The following LCN9 variants were observed in gnomAD, a reference collection of about 807,000 sequenced individuals.
LCN9 encodes the protein lipocalin 9, also known as epididymal-specific lipocalin-9.
A neutral mutation model predicts 18.5 loss-of-function variants in LCN9; 22 were observed. The ratio of observed to expected loss-of-function variants is 1.19; its 90% CI spans 0.85 to 1.70. The LOEUF is 1.70. Ranked by LOEUF, LCN9 falls within the 40% of genes most tolerant of loss-of-function variation. The probability of loss-of-function intolerance (pLI) is 0.00; values close to 1 mark genes in which losing one functional copy is unlikely to be tolerated. For synonymous variants in LCN9, 89 were observed against 83.0 expected (o/e 1.07, Z -0.39); for missense variants, 202 against 201.3 (o/e 1.00, Z -0.02).
At position 135,665,336 on chromosome 9, in the gene LCN9, C is replaced by T. The variant is rs1234707325; in HGVS notation, c.399C>T (p.Thr133=). The change falls in exon 4 of 6, where the codon ACC becomes ACT. Residue 133 remains threonine, a synonymous_variant. Transcript: ENST00000619315. The surrounding 1 kb of genome is among the most constrained non-coding windows in gnomAD (Gnocchi z 5.9). ...AGAACTTCAGGAACGGGACCGAGAC[C>T]CACACGCTGGCGCTCTATGGTACCT... 2 of 1,602,950 alleles carry T rather than the reference C, an allele frequency of 1.2e-6. No individual in the cohort carries two copies. The highest frequency in any genetic ancestry group is 1.7e-6 in the Non-Finnish European group (2 of 1,175,042).
chr9:135,664,852 G>T lies in LCN9; in HGVS notation c.307+57G>T, dbSNP rs1834189905. 1 of 1,509,542 alleles carries T rather than the reference G, an allele frequency of 6.6e-7. No individual in the cohort carries two copies. The highest frequency in any genetic ancestry group is 9.0e-7 in the Non-Finnish European group (1 of 1,112,104). 93.5% of individuals were successfully genotyped at this position (1,509,542 alleles called of 1,614,324 possible). A position where few individuals can be genotyped will look rare whatever the true frequency, so the allele number is the denominator to read the frequency against. ...CAGTCGGGGGTCTCCTTTCTCCAGG[G>T]CCTGGGCCATATTCTGGTGAGCACT... is the stretch of plus-strand genomic sequence containing the variant. On this transcript the variant is annotated intron_variant, in intron 3 of 5. Coordinates refer to ENST00000619315, the Ensembl canonical transcript of LCN9. This position sits in a 1 kb window ranked among gnomAD's most constrained non-coding sequence, Gnocchi z 4.5.
Position 135,665,945 on chromosome 9 carries a change from G to C in LCN9, c.*94G>C. The C allele has an allele frequency of 5.6e-6, 9 of 1,603,420 alleles. No homozygotes were observed. The highest frequency in any genetic ancestry group is 7.6e-6 in the Non-Finnish European group (9 of 1,177,648). ...CTCGGGACGGGCAGGGGGCTGGATG[G>C]GGAGAGCTTGGGGCCAACGTCAGAG... On this transcript the variant is annotated 3_prime_UTR_variant, in exon 6 of 6. Coordinates refer to ENST00000619315, the Ensembl canonical transcript of LCN9. This position sits in a 1 kb window ranked among gnomAD's most constrained non-coding sequence, Gnocchi z 5.9.
chr9:135,664,776 T>C lies in LCN9; in HGVS notation c.288T>C (p.Asn96=). The change falls in exon 3 of 6, where the codon AAT becomes AAC. Residue 96 remains asparagine (N), a synonymous_variant. Transcript: ENST00000619315. This position sits in a 1 kb window ranked among gnomAD's most constrained non-coding sequence, Gnocchi z 4.5. The stretch of plus-strand genomic sequence containing the variant: ...TGGTCTGCGAGAAGACAGAGAAGAA[T>C]GGGGAATACTCCATCAACTGTAAGT... 1 of 1,594,334 alleles carries C rather than the reference T, an allele frequency of 6.3e-7. No homozygotes were observed. Among genetic ancestry groups the C allele is most frequent in the Non-Finnish European group, 8.5e-7 (1 of 1,170,776 alleles).
At chr9:135,663,477 C>G in intron 1 of LCN9, 60 bp downstream of exon 1, 2 of 1,489,688 alleles carry the variant, frequency 1.3e-6, no homozygotes, top group South Asian at 1.1e-5. Context: ...TGTCTTCCCC[C>G]AGCCTGGGGT....
chr9:135,666,286 C>A (rs997361941), exon 6 of LCN9: 6 of 756,260 alleles, frequency 7.9e-6, no homozygotes, highest in Non-Finnish European at 1.0e-5. Context: ...CCTGCCTCTT[C>A]CGGCTGCTGG....
chr9:135,664,373 C>A lies in LCN9; in HGVS notation c.233+75C>A. 6.4e-7 allele frequency: 1 copy of A among 1,556,114 alleles called. No individual in the cohort carries two copies. The highest frequency in any genetic ancestry group is 8.8e-7 in the Non-Finnish European group (1 of 1,134,594). On this transcript the variant is annotated intron_variant, in intron 2 of 5. Coordinates refer to ENST00000619315, the Ensembl canonical transcript of LCN9. The surrounding 1 kb of genome is among the most constrained non-coding windows in gnomAD (Gnocchi z 4.5). ...ACCCCAACGCATACTCTCACTCTTG[C>A]ACACACACGCTCGCACACTCACTGA...
rs1371708650 is a variant in LCN9 at position 135,664,145 on chromosome 9, G to T, written c.97-17G>T. ...CTGTCCCGCGGCCCCCCACCCACTG[G>T]AGCTCTTTGTCTTCAGGTTTCAGGG... is the stretch of plus-strand genomic sequence containing the variant. On this transcript the variant is annotated splice_polypyrimidine_tract_variant and intron_variant, in intron 1 of 5. Transcript: ENST00000619315. The surrounding 1 kb of genome is among the most constrained non-coding windows in gnomAD (Gnocchi z 4.5). 5 of 1,612,200 alleles carry T rather than the reference G, an allele frequency of 3.1e-6. No homozygotes were observed. The highest frequency in any genetic ancestry group is 4.2e-6 in the Non-Finnish European group (5 of 1,179,140).
intron 1 of LCN9, 89 bp downstream of exon 1, chr9:135,663,506 G>A: frequency 1.0e-6 from 1 of 998,104 alleles, no homozygotes; most frequent in Non-Finnish European, 1.5e-6. Flanking sequence ...TGTGACCAGG[G>A]CAACTGGTCC....
chr9:135,665,499 C>A lies in LCN9; in HGVS notation c.418+144C>A. 1 of 822,976 alleles carries A rather than the reference C, an allele frequency of 1.2e-6. No individual in the cohort carries two copies. The highest frequency in any genetic ancestry group is 2.0e-6 in the Non-Finnish European group (1 of 507,892). The allele number at this position is 822,976 out of a possible 1,614,324, so 51.0% of individuals were successfully genotyped here. A position where few individuals can be genotyped will look rare whatever the true frequency, so the allele number is the denominator to read the frequency against. On this transcript the variant is annotated intron_variant, in intron 4 of 5. Transcript: ENST00000619315. The surrounding 1 kb of genome is among the most constrained non-coding windows in gnomAD (Gnocchi z 5.9). ...TGGCTATTCCTTCCCACAGACACAC[C>A]GTTAGGGTGCTGGGTGCTTCAATCT...
chr9:135,664,399 C>CT lies in LCN9; in HGVS notation c.233+103dup. The CT allele has an allele frequency of 6.9e-7, 1 of 1,454,844 alleles. No individual in the cohort carries two copies. Among genetic ancestry groups the CT allele is most frequent in the South Asian group, 1.2e-5 (1 of 81,948 alleles). 90.1% of individuals were successfully genotyped at this position (1,454,844 alleles called of 1,614,324 possible). ...ACACACACGCTCGCACACTCACTGACTTGCACTCTGGTGAGAGCCTGAGCC... is the reference window on the plus strand; with the variant it reads ...ACACACACGCTCGCACACTCACTGACTTTGCACTCTGGTGAGAGCCTGAGCC... On this transcript the variant is annotated intron_variant, in intron 2 of 5. Transcript: ENST00000619315. The surrounding 1 kb of genome is among the most constrained non-coding windows in gnomAD (Gnocchi z 4.5).
In LCN9 at chr9:135,665,192, C is replaced by T. The variant is rs1323242897; in HGVS notation, c.308-53C>T. ...ACTTGCGGCCACACAGCACGTGTCA[C>T]AGGACCCTGAGGGTGGCGGGGCCAG... is the stretch of plus-strand genomic sequence containing the variant. On this transcript the variant is annotated intron_variant, in intron 3 of 5. Transcript: ENST00000619315. The surrounding 1 kb of genome is among the most constrained non-coding windows in gnomAD (Gnocchi z 5.9). 1.6e-6 allele frequency: 2 copies of T among 1,265,478 alleles called. No individual in the cohort carries two copies. The highest frequency in any genetic ancestry group is 2.3e-6 in the Non-Finnish European group (2 of 886,806). The allele number at this position is 1,265,478 out of a possible 1,614,324, so 78.4% of individuals were successfully genotyped here.
Position 135,665,185 on chromosome 9 carries a change from C to CCCTGA in LCN9, c.308-60_308-59insCCTGA, listed in dbSNP as rs1239804298. 8.5e-7 allele frequency: 1 copy of CCCTGA among 1,172,810 alleles called. No individual in the cohort carries two copies. Among genetic ancestry groups the CCCTGA allele is most frequent in the Non-Finnish European group, 1.2e-6 (1 of 803,468 alleles). 72.7% of individuals were successfully genotyped at this position (1,172,810 alleles called of 1,614,324 possible). A position where few individuals can be genotyped will look rare whatever the true frequency, so the allele number is the denominator to read the frequency against. ...CATCCTCACTTGCGGCCACACAGCA[C>CCCTGA]GTGTCACAGGACCCTGAGGGTGGCG... On this transcript the variant is annotated intron_variant, in intron 3 of 5. Coordinates refer to ENST00000619315, the Ensembl canonical transcript of LCN9. This position sits in a 1 kb window ranked among gnomAD's most constrained non-coding sequence, Gnocchi z 5.9.
Position 135,664,129 on chromosome 9 carries a change from G to C in LCN9, c.97-33G>C. The C allele has an allele frequency of 6.2e-7, 1 of 1,605,596 alleles. No individual in the cohort carries two copies. Among genetic ancestry groups the C allele is most frequent in the Admixed American group, 1.7e-5 (1 of 59,168 alleles). On this transcript the variant is annotated intron_variant, in intron 1 of 5. Transcript: ENST00000619315. The surrounding 1 kb of genome is among the most constrained non-coding windows in gnomAD (Gnocchi z 4.5). Reference sequence around the variant, plus strand: ...CTAAGCATCCCCAGGGCTGTCCCGCGGCCCCCCACCCACTGGAGCTCTTTG... The same window carrying C: ...CTAAGCATCCCCAGGGCTGTCCCGCCGCCCCCCACCCACTGGAGCTCTTTG...
At chr9:135,666,783 G>T (rs1276042222) in exon 6 of LCN9, among the ~76,000 whole-genome samples, 1 of 107,232 alleles carries the variant, frequency 9.3e-6, no homozygotes, top group Non-Finnish European at 1.9e-5. Flanking sequence ...TCCCCTCTCC[G>T]CCCCTCCCCT....
chr9:135,665,849 C>T lies in LCN9; in HGVS notation c.*10-12C>T. 1 of 1,612,824 alleles carries T rather than the reference C, an allele frequency of 6.2e-7. No individual in the cohort carries two copies. Among genetic ancestry groups the T allele is most frequent in the Non-Finnish European group, 8.5e-7 (1 of 1,179,428 alleles). ...CCTGTCCCTGCGCTGAGAGCCCCCT[C>T]TGTCCTTCCAGATCCCTGCTACTCC... On this transcript the variant is annotated splice_polypyrimidine_tract_variant and intron_variant, in intron 5 of 5. Coordinates refer to ENST00000619315, the Ensembl canonical transcript of LCN9. The surrounding 1 kb of genome is among the most constrained non-coding windows in gnomAD (Gnocchi z 5.9).
exon 6 of LCN9, chr9:135,666,379 A>G (rs1834222385): frequency 2.1e-6 from 1 of 476,984 alleles, no homozygotes; most frequent in Non-Finnish European, 3.7e-6. Context: ...TTCTAAGGAC[A>G]CTTGTCATTG....
rs199765604 is a variant in LCN9 at position 135,665,289 on chromosome 9, C to G, written c.352C>G (p.Leu118Val). The change falls in exon 4 of 6, where the codon CTG (leucine) becomes GTG (valine). Residue 118 changes from leucine to valine, a missense_variant. By Grantham distance (32) the Leu-to-Val change is conservative (BLOSUM62 1). Transcript: ENST00000619315. The surrounding 1 kb of genome is among the most constrained non-coding windows in gnomAD (Gnocchi z 5.9). Reference sequence around the variant, plus strand: ...GGCCGTCTCGGAGACTGACTACAGGCTGTTCATCACCTTCCACCTCCAGAA... The same window carrying G: ...GGCCGTCTCGGAGACTGACTACAGGGTGTTCATCACCTTCCACCTCCAGAA... 2.5e-6 allele frequency: 4 copies of G among 1,606,580 alleles called. No individual in the cohort carries two copies. The South Asian group carries it at 4.5e-5, about 18-fold the overall frequency.
chr9:135,664,349 C>G lies in LCN9; in HGVS notation c.233+51C>G. ...ATCAGGAAGACCCATGCCCCTGCCA[C>G]CCCAACGCATACTCTCACTCTTGCA... On this transcript the variant is annotated intron_variant, in intron 2 of 5. Coordinates refer to ENST00000619315, the Ensembl canonical transcript of LCN9. The surrounding 1 kb of genome is among the most constrained non-coding windows in gnomAD (Gnocchi z 4.5). 6.2e-7 allele frequency: 1 copy of G among 1,601,240 alleles called. No homozygotes were observed. Among genetic ancestry groups the G allele is most frequent in the South Asian group, 1.1e-5 (1 of 90,644 alleles).
exon 6 of LCN9, among the ~76,000 whole-genome samples, chr9:135,666,918 C>T (rs918927747): frequency 3.9e-5 from 6 of 152,056 alleles, no homozygotes; most frequent in Admixed American, 6.6e-5. Context: ...GTGCCTGCGC[C>T]CCCGCCTCCA....
Sources: gnomAD v4.1 joint callset for allele counts (sites outside exome capture counted in the v4.1 genomes callset) on GRCh38, gnomAD v4.1.1 for gene constraint, Gnocchi (gnomAD v3.1) non-coding constraint, MANE v1.5 for transcripts, NCBI Gene and HGNC (gene_info 2026-07-23, HGNC 2026-07-21) for gene names.